Variants in COG2 observed in about 807,000 individuals in gnomAD.
COG2 encodes the protein conserved oligomeric Golgi complex subunit 2.
Under a neutral mutation model 90.6 loss-of-function variants are expected in COG2, and 52 were observed. That is an observed-to-expected ratio of 0.57 (90% CI 0.46 to 0.72). The LOEUF is 0.72. COG2 is among the 30% of genes least tolerant of loss of function. The pLI, the probability that COG2 is intolerant of heterozygous loss-of-function variation, is 0.00. For missense variants in COG2, 829 were observed against 891.2 expected (o/e 0.93, Z 0.89); for synonymous variants, 337 against 320.4 (o/e 1.05, Z -0.55).
rs776884772 is a variant in COG2 at position 230,642,666 on chromosome 1, C to T, written c.60C>T (p.Asp20=). 6.2e-7 allele frequency: 1 copy of T among 1,612,942 alleles called. No individual in the cohort carries two copies. Among genetic ancestry groups the T allele is most frequent in the South Asian group, 1.1e-5 (1 of 90,732 alleles). ...KGPDTLCFDK[D]EFMKEDFDVD... ...CGGACACGCTCTGCTTCGACAAGGACGAGTTCATGAAGGTGCGCGCGGCGT... is the reference window on the plus strand; with the variant it reads ...CGGACACGCTCTGCTTCGACAAGGATGAGTTCATGAAGGTGCGCGCGGCGT... Residue 20 remains aspartate (D), a synonymous_variant, in exon 1 of 18, where the codon GAC becomes GAT. Coordinates refer to ENST00000366669, the MANE Select transcript of COG2 (RefSeq NM_007357.3).
At chr1:230,671,817 C>A (rs1438306272) in intron 8 of COG2, among the ~76,000 whole-genome samples, 177 bp downstream of exon 8, 1 of 152,198 alleles carries the variant, frequency 6.6e-6, no homozygotes, top group East Asian at 1.9e-4. Flanking sequence ...CCATTAGCCT[C>A]ATTTCAAAGT....
chr1:230,642,718 GTGCCTC>G (rs1661654281), intron 1 of COG2, 40 bp downstream of exon 1: 2 of 1,593,052 alleles, frequency 1.3e-6, no homozygotes, highest in African/African-American at 1.3e-5. Context: ...GGCCATGAGG[GTGCCTC>G]TGCCCTGTGC....
chr1:230,658,681 C>T (rs1050837007), intron 1 of COG2, among the ~76,000 whole-genome samples: 3 of 152,132 alleles, frequency 2.0e-5, no homozygotes, highest in Admixed American at 6.5e-5. Flanking sequence ...TGCTCTGTCC[C>T]ACGGGGATGG....
intron 3 of COG2, among the ~76,000 whole-genome samples, chr1:230,661,970 C>T (rs1042619491): frequency 1.3e-5 from 2 of 152,064 alleles, no homozygotes; most frequent in African/African-American, 4.8e-5. Context: ...TCTTCCTACC[C>T]CCACCCTTGG....
intron 7 of COG2, chr1:230,670,410 T>G (rs1183745182): frequency 6.6e-6 from 1 of 152,186 alleles, no homozygotes; most frequent in Admixed American, 6.5e-5. Flanking sequence ...AGGGTGAAAG[T>G]CTTTTATTTT....
chr1:230,666,536 A>G (rs1662327160), intron 5 of COG2, among the ~76,000 whole-genome samples: 2 of 152,132 alleles, frequency 1.3e-5, no homozygotes, highest in South Asian at 2.1e-4. Context: ...TTGGGAAACA[A>G]TGGTTTCCTA....
chr1:230,671,230 T>C (rs1571953913), intron 7 of COG2: 1 of 190,196 alleles, frequency 5.3e-6, no homozygotes, highest in East Asian at 1.5e-4. Context: ...CTTTAAATCT[T>C]TTTTTAAAAG....
intron 1 of COG2, among the ~76,000 whole-genome samples, chr1:230,646,385 G>A (rs1029287261): frequency 6.6e-6 from 1 of 152,048 alleles, no homozygotes; most frequent in African/African-American, 2.4e-5. Context: ...TCTGAAACCT[G>A]GTGCTTTCTG....
chr1:230,671,724 T>C, intron 8 of COG2, 84 bp downstream of exon 8: 1 of 1,266,064 alleles, frequency 7.9e-7, no homozygotes, highest in Non-Finnish European at 1.1e-6. Flanking sequence ...GGACGATGAC[T>C]GTCTTGTATG....
At chr1:230,683,465 C>A in intron 10 of COG2, 109 bp from the exon 11 acceptor site, 1 of 749,128 alleles carries the variant, frequency 1.3e-6, no homozygotes, top group Non-Finnish European at 2.3e-6. Context: ...CTGGACTTAC[C>A]AGTGAGTGAC....
chr1:230,669,826 C>T (rs78227906), intron 7 of COG2: 36 of 285,080 alleles, frequency 1.3e-4, no homozygotes, highest in East Asian at 5.9e-4. Flanking sequence ...TTATGGGAGG[C>T]GATGGTTCCT....
intron 1 of COG2, 46 bp from the exon 2 acceptor site, chr1:230,659,418 G>C: frequency 6.9e-7 from 1 of 1,446,744 alleles, no homozygotes; most frequent in East Asian, 2.3e-5. Flanking sequence ...ATATGTCACT[G>C]TGATATCATT....
intron 1 of COG2, among the ~76,000 whole-genome samples, chr1:230,654,997 C>T (rs1468942183): frequency 6.6e-6 from 1 of 152,154 alleles, no homozygotes; most frequent in African/African-American, 2.4e-5. Context: ...AGATTTTGGG[C>T]TGAGATGATA....
At chr1:230,660,119 TG>T (rs2102749826) in intron 2 of COG2, among the ~76,000 whole-genome samples, 1 of 152,350 alleles carries the variant, frequency 6.6e-6, no homozygotes, top group South Asian at 2.1e-4. Flanking sequence ...AGGTTAGAAG[TG>T]CTTATATTTT....
chr1:230,672,695 A>G (rs1662481580), intron 8 of COG2, among the ~76,000 whole-genome samples: 1 of 151,314 alleles, frequency 6.6e-6, no homozygotes, highest in African/African-American at 2.4e-5. Flanking sequence ...TTTTCTCCTA[A>G]TGTTCAGCAT....
Position 230,671,562 on chromosome 1 carries a change from T to C in COG2, c.821T>C (p.Val274Ala). 6.2e-7 allele frequency: 1 copy of C among 1,613,606 alleles called. No individual in the cohort carries two copies. Among genetic ancestry groups the C allele is most frequent in the East Asian group, 2.2e-5 (1 of 44,870 alleles). Residue 274 changes from valine to alanine, a missense_variant, in exon 8 of 18, where the codon GTC becomes GCC. Coordinates refer to ENST00000366669, the MANE Select transcript of COG2 (RefSeq NM_007357.3). The part of the protein sequence containing the change: ...FVESHPNGLQ[V>A]MYNKLLEFVP... ...GAATCTCATCCCAATGGCCTTCAGGTCATGTATAATAAACTCCTGGAGTTT... is the reference window on the plus strand; with the variant it reads ...GAATCTCATCCCAATGGCCTTCAGGCCATGTATAATAAACTCCTGGAGTTT...
At chr1:230,686,339 C>T (rs1243310440) in intron 12 of COG2, among the ~76,000 whole-genome samples, 2 of 152,102 alleles carry the variant, frequency 1.3e-5, no homozygotes, top group African/African-American at 2.4e-5. Flanking sequence ...GGGGTTAGGA[C>T]GATTATTCAA....
rs1663091110 is a variant in COG2, at chr1:230,693,450, G to A, written c.*57G>A. ...AAGCAAGAGAAGAGTTGGACTTCCA[G>A]GCTGAAGGGGAGAAAGTGACTCTGT... On this transcript the variant is annotated 3_prime_UTR_variant, in exon 18 of 18. Coordinates refer to ENST00000366669, the MANE Select transcript of COG2 (RefSeq NM_007357.3). 9.2e-7 allele frequency: 1 copy of A among 1,081,706 alleles called. No individual in the cohort carries two copies. Among genetic ancestry groups the A allele is most frequent in the Admixed American group, 2.0e-5 (1 of 49,356 alleles). 67.0% of individuals were successfully genotyped at this position (1,081,706 alleles called of 1,614,324 possible). A position where few individuals can be genotyped will look rare whatever the true frequency, so the allele number is the denominator to read the frequency against.
chr1:230,683,251 C>A (rs1197480604), intron 10 of COG2: 4 of 264,288 alleles, frequency 1.5e-5, no homozygotes, highest in Non-Finnish European at 2.9e-5. Flanking sequence ...AATAGAGGAT[C>A]ATAATCAGGT....
Sources: gnomAD v4.1 joint callset for allele counts (sites outside exome capture counted in the v4.1 genomes callset) on GRCh38, gnomAD v4.1.1 for gene constraint, MANE v1.5 for transcripts, NCBI Gene and HGNC (gene_info 2026-07-23, HGNC 2026-07-21) for gene names.